The following DOCK8 variants were observed in gnomAD, a reference collection of about 807,000 sequenced individuals.
DOCK8 encodes dedicator of cytokinesis 8.
Under a neutral mutation model 245.6 loss-of-function variants are expected in DOCK8, and 141 were observed. The observed-to-expected ratio is 0.57, with a 90% CI of 0.50 to 0.66. The LOEUF (loss-of-function observed/expected upper bound fraction) is 0.66. Ranked by LOEUF, DOCK8 falls within the 30% of genes least tolerant of loss-of-function variation. The pLI is 0.00. For missense variants in DOCK8, 2,965 were observed against 2,603.4 expected (o/e 1.14, Z -3.02); for synonymous variants, 1,168 against 970.2 (o/e 1.20, Z -3.79).
Position 325,760 on chromosome 9 carries a change from A to G in DOCK8, c.894+23A>G, listed in dbSNP as rs199555412. The G allele has an allele frequency of 1.9e-5, 31 of 1,592,426 alleles. No individual in the cohort carries two copies. In the Admixed American group the frequency reaches 3.2e-4, roughly 16 times the overall value. ...AAGGTAAGAAAGCAAAGAAAAATCC[A>G]TCCCTAAGGCACATATATTGTTCAT... On this transcript the variant is annotated intron_variant, in intron 8 of 47. Coordinates refer to ENST00000432829, the MANE Select transcript of DOCK8 (RefSeq NM_203447.4).
intron 40 of DOCK8, among the ~76,000 whole-genome samples, chr9:440,074 A>G (rs1052211535): frequency 1.3e-5 from 2 of 152,174 alleles, no homozygotes; most frequent in African/African-American, 4.8e-5. Context: ...GCTGGAATGC[A>G]GTGGTGCAAT....
chr9:342,606 A>T (rs1185652201), intron 14 of DOCK8, among the ~76,000 whole-genome samples: 3 of 151,940 alleles, frequency 2.0e-5, no homozygotes, highest in African/African-American at 4.8e-5. Flanking sequence ...AGTAGCTGGG[A>T]CTACAGGTGC....
intron 2 of DOCK8, among the ~76,000 whole-genome samples, chr9:279,866 A>G (rs2048505904): frequency 6.6e-6 from 1 of 152,202 alleles, no homozygotes; most frequent in African/African-American, 2.4e-5. Flanking sequence ...CCAGTGCTGT[A>G]ACGAGGCAGC....
chr9:344,785 C>A (rs1365030250), intron 14 of DOCK8, among the ~76,000 whole-genome samples: 1 of 152,194 alleles, frequency 6.6e-6, no homozygotes, highest in Non-Finnish European at 1.5e-5. Context: ...TGGTGGCTCA[C>A]ACCTATAATC....
At chr9:435,480 T>C (rs941369202) in intron 39 of DOCK8, among the ~76,000 whole-genome samples, 1 of 152,314 alleles carries the variant, frequency 6.6e-6, no homozygotes, top group Middle Eastern at 3.4e-3. Flanking sequence ...TCACTTAAAC[T>C]CTTTTTCAAA....
At chr9:450,113 G>A (rs2057381221) in intron 45 of DOCK8, among the ~76,000 whole-genome samples, 186 bp downstream of exon 45, 1 of 152,152 alleles carries the variant, frequency 6.6e-6, no homozygotes, top group Non-Finnish European at 1.5e-5. Flanking sequence ...TCCCTTTCAT[G>A]TAACAACCCC....
chr9:329,912 A>G (rs890289793), intron 9 of DOCK8, among the ~76,000 whole-genome samples: 1 of 152,200 alleles, frequency 6.6e-6, no homozygotes, highest in Non-Finnish European at 1.5e-5. Flanking sequence ...ATTGAAATCT[A>G]CTCAGCAAGA....
At chr9:251,972 C>CTTTTTT (rs34456943) in intron 1 of DOCK8, among the ~76,000 whole-genome samples, 6 of 130,612 alleles carry the variant, frequency 4.6e-5, no homozygotes, top group Admixed American at 7.7e-5. Flanking sequence ...ATTGTGTTTT[C>CTTTTTT]TTTTTTTTTT....
chr9:389,093 G>A (rs1204884139), intron 23 of DOCK8, among the ~76,000 whole-genome samples: 1 of 152,130 alleles, frequency 6.6e-6, no homozygotes, highest in Non-Finnish European at 1.5e-5. Flanking sequence ...CATCATTTTT[G>A]GCATTAATTA....
chr9:355,919 T>G (rs1394404905), intron 14 of DOCK8, among the ~76,000 whole-genome samples: 1 of 152,194 alleles, frequency 6.6e-6, no homozygotes, highest in African/African-American at 2.4e-5. Context: ...GTCTGAAATG[T>G]TTCTTGCTAA....
intron 1 of DOCK8, among the ~76,000 whole-genome samples, chr9:223,831 G>A (rs2046933748): frequency 1.3e-5 from 2 of 151,632 alleles, no homozygotes; most frequent in South Asian, 4.1e-4. Context: ...TTATTCTGTT[G>A]CCCATTTCTG....
intron 14 of DOCK8, among the ~76,000 whole-genome samples, chr9:360,798 C>G (rs2052692483): frequency 6.6e-6 from 1 of 152,102 alleles, no homozygotes; most frequent in Non-Finnish European, 1.5e-5. Flanking sequence ...TTGTCAAGCA[C>G]TTGGTAACTG....
intron 14 of DOCK8, among the ~76,000 whole-genome samples, chr9:350,997 A>G (rs2052140633): frequency 6.6e-6 from 1 of 152,168 alleles, no homozygotes; most frequent in Non-Finnish European, 1.5e-5. Context: ...TGGGATTGGC[A>G]TGGGAAGGGG....
chr9:407,175 T>C, intron 28 of DOCK8, 106 bp downstream of exon 28: 1 of 1,527,664 alleles, frequency 6.5e-7, no homozygotes, highest in Non-Finnish European at 8.9e-7. Flanking sequence ...TCTACTGTAG[T>C]TGACCAGTTC....
At chr9:242,125 G>T (rs2047387735) in intron 1 of DOCK8, among the ~76,000 whole-genome samples, 1 of 152,102 alleles carries the variant, frequency 6.6e-6, no homozygotes, top group Non-Finnish European at 1.5e-5. Flanking sequence ...ATCTCTCTGG[G>T]CCTCAGTTTC....
At chr9:399,290 C>CG (rs754768171) in intron 26 of DOCK8, 31 bp downstream of exon 26, 8 of 1,351,856 alleles carry the variant, frequency 5.9e-6, no homozygotes. Flanking sequence ...CACCCCCGAG[C>CG]GAGCCACTTG....
At chr9:247,465 T>A (rs561981811) in intron 1 of DOCK8, among the ~76,000 whole-genome samples, 35 of 152,330 alleles carry the variant, frequency 2.3e-4, no homozygotes, top group African/African-American at 8.2e-4. Context: ...CTAGTTTTTT[T>A]TAAAATAATG....
intron 3 of DOCK8, among the ~76,000 whole-genome samples, chr9:288,187 A>G (rs1187165268): frequency 1.3e-5 from 2 of 152,088 alleles, no homozygotes; most frequent in Non-Finnish European, 1.5e-5. Context: ...GACAGCCTCT[A>G]CTATTTCAGT....
upstream of DOCK8, chr9:214,820 A>C: frequency 6.3e-7 from 1 of 1,596,694 alleles, no homozygotes; most frequent in Non-Finnish European, 8.5e-7. Flanking sequence ...CCCCGGGGTG[A>C]TTTCGGCTTA....
Sources: allele counts gnomAD v4.1 joint callset (sites outside exome capture counted in the v4.1 genomes callset), GRCh38; gene constraint gnomAD v4.1.1; transcripts MANE v1.5; gene names NCBI Gene and HGNC (gene_info 2026-07-23, HGNC 2026-07-21).